The following USP32 variants were observed in gnomAD, a reference collection of about 807,000 sequenced individuals.
The protein encoded by USP32 is ubiquitin carboxyl-terminal hydrolase 32.
USP32 carries 59 observed loss-of-function variants against 204.8 expected under a neutral mutation model. That is an observed-to-expected ratio of 0.29 (90% CI 0.23 to 0.36). The LOEUF (loss-of-function observed/expected upper bound fraction) is 0.36. Among genes scored for constraint, USP32 ranks in the 10% least tolerant of loss-of-function variants. The pLI, the probability that USP32 is intolerant of heterozygous loss-of-function variation, is 1.00. For synonymous variants in USP32, 517 were observed against 678.4 expected (o/e 0.76, Z 3.70); for missense variants, 1,160 against 1,946.4 (o/e 0.60, Z 7.60).
chr17:60,247,425 C>A (rs1307992701), intron 11 of USP32, among the ~76,000 whole-genome samples: 1 of 152,192 alleles, frequency 6.6e-6, no homozygotes, highest in Non-Finnish European at 1.5e-5. Context: ...GGTGATCCAG[C>A]CGTCTCGGCC....
chr17:60,294,732 T>G lies in USP32; in HGVS notation c.362A>C (p.His121Pro), dbSNP rs1177778042. The G allele has an allele frequency of 1.9e-6, 3 of 1,613,088 alleles. No individual in the cohort carries two copies. The highest frequency in any genetic ancestry group is 2.5e-6 in the Non-Finnish European group (3 of 1,179,454). ...VIREEMERML[H>P]VVDGKVPDTL... is the part of the protein sequence containing the mutation. The stretch of plus-strand genomic sequence containing the variant: ...ATCTGGGACTTTACCATCCACCACG[T>G]GGAGCATTCTTTCCATTTCTTCCCG... The change falls in exon 4 of 34, where the codon CAC (histidine) becomes CCC (proline). Residue 121 changes from histidine (H) to proline (P), a missense_variant. His to Pro is a moderately conservative substitution (Grantham distance 77). Transcript: ENST00000300896.
rs137876847 is a variant in USP32, at chr17:60,205,595, C to G, written c.3101G>C (p.Arg1034Pro). The G allele has an allele frequency of 6.2e-7, 1 of 1,613,718 alleles. No homozygotes were observed. Among genetic ancestry groups the G allele is most frequent in the Non-Finnish European group, 8.5e-7 (1 of 1,179,858 alleles). ...FTLTTNGDLPRPIFIPNGMPN... is the reference protein window; with the variant it reads ...FTLTTNGDLPPPIFIPNGMPN... ...CATTCCATTGGGGATGAATATTGGT[C>G]GGGGTAGGTCCCCATTGGTAGTTAG... Residue 1034 changes from arginine to proline, a missense_variant, in exon 26 of 34, where the codon CGA becomes CCA. This residue lies in a region of USP32 where 47 missense variants were observed against 71.1 expected (regional missense o/e 0.66). Coordinates refer to ENST00000300896, the MANE Select transcript of USP32 (RefSeq NM_032582.4).
intron 11 of USP32, among the ~76,000 whole-genome samples, 182 bp from the exon 12 acceptor site, chr17:60,236,422 C>T (rs994403190): frequency 6.6e-6 from 1 of 151,938 alleles, no homozygotes; most frequent in South Asian, 2.1e-4. Flanking sequence ...TTTCAAGAGT[C>T]ATAGGGCAGT....
chr17:60,326,037 C>T (rs1356145758), intron 2 of USP32, among the ~76,000 whole-genome samples: 1 of 149,018 alleles, frequency 6.7e-6, no homozygotes, highest in Non-Finnish European at 1.5e-5. Context: ...CCAGAAGCAA[C>T]TACTAGAAAC....
At chr17:60,298,537 T>C (rs1298204112) in intron 3 of USP32, among the ~76,000 whole-genome samples, 1 of 152,182 alleles carries the variant, frequency 6.6e-6, no homozygotes, top group Admixed American at 6.5e-5. Context: ...GTATTGTTTC[T>C]TATTTGTATT....
intron 9 of USP32, chr17:60,256,659 G>T (rs2086314417): frequency 4.8e-6 from 5 of 1,050,072 alleles, no homozygotes; most frequent in Non-Finnish European, 4.6e-6. Flanking sequence ...TGTCTAAATT[G>T]TCCCACTGTA....
At chr17:60,201,045 A>C (rs1394026818) in intron 26 of USP32, among the ~76,000 whole-genome samples, 2 of 152,084 alleles carry the variant, frequency 1.3e-5, no homozygotes, top group African/African-American at 4.8e-5. Context: ...TTCTGTAGAG[A>C]TGGGGTTTCA....
At chr17:60,200,106 A>G (rs1441647564) in intron 26 of USP32, among the ~76,000 whole-genome samples, 1 of 152,122 alleles carries the variant, frequency 6.6e-6, no homozygotes, top group African/African-American at 2.4e-5. Flanking sequence ...AGGCAGGAGA[A>G]TCACTTGAAC....
intron 2 of USP32, among the ~76,000 whole-genome samples, chr17:60,315,614 T>C (rs2087954837): frequency 6.6e-6 from 1 of 152,048 alleles, no homozygotes; most frequent in Non-Finnish European, 1.5e-5. Context: ...TTCAAACAGA[T>C]ACTTGTATGC....
At chr17:60,419,278 C>T (rs1308027282) in intron 1 of USP32, among the ~76,000 whole-genome samples, 1 of 152,134 alleles carries the variant, frequency 6.6e-6, no homozygotes, top group Non-Finnish European at 1.5e-5. Context: ...AAACCAAATA[C>T]CGCATGTTCT....
chr17:60,188,060 A>G (rs533123603), intron 29 of USP32, among the ~76,000 whole-genome samples: 2 of 152,022 alleles, frequency 1.3e-5, no homozygotes, highest in Non-Finnish European at 2.9e-5. Context: ...AGCTCACTGC[A>G]GCCTTGATCT....
chr17:60,338,160 C>CA (rs1416322190), intron 2 of USP32, among the ~76,000 whole-genome samples: 2 of 149,684 alleles, frequency 1.3e-5, no homozygotes, highest in Non-Finnish European at 1.5e-5. Flanking sequence ...TGCATCTCTA[C>CA]AAAAAATACA....
chr17:60,301,515 C>A lies in USP32; in HGVS notation c.292+84G>T, dbSNP rs961736918. 2.7e-5 allele frequency: 22 copies of A among 814,584 alleles called. No individual in the cohort carries two copies. The African/African-American group carries it at 3.9e-4, about 14-fold the overall frequency. The allele number at this position is 814,584 out of a possible 1,614,324, so 50.5% of individuals were successfully genotyped here. ...TATCTTCTTTGGGAAAATGTCAATT[C>A]AAATCCTCTACCTGTCATCAGAATT... On this transcript the variant is annotated intron_variant, in intron 3 of 33. Transcript: ENST00000300896.
intron 1 of USP32, among the ~76,000 whole-genome samples, chr17:60,361,370 C>T (rs1207613033): frequency 6.6e-6 from 1 of 152,138 alleles, no homozygotes; most frequent in Non-Finnish European, 1.5e-5. Flanking sequence ...CAACTTACTA[C>T]ATATAGATTT....
chr17:60,371,253 TAAAAAAAAA>T (rs373242290), intron 1 of USP32, among the ~76,000 whole-genome samples: 3 of 66,278 alleles, frequency 4.5e-5, no homozygotes, highest in East Asian at 4.0e-4. Context: ...CTCTAAAAAT[TAAAAAAAAA>T]AAAAAAAAAA....
intron 12 of USP32, among the ~76,000 whole-genome samples, chr17:60,229,908 G>T (rs1261799575): frequency 6.6e-6 from 1 of 152,090 alleles, no homozygotes; most frequent in African/African-American, 2.4e-5. Flanking sequence ...CTGCCTCCTG[G>T]GTTCAAGCAA....
chr17:60,216,698 C>T (rs998839801), intron 16 of USP32, among the ~76,000 whole-genome samples: 1 of 151,836 alleles, frequency 6.6e-6, no homozygotes, highest in Non-Finnish European at 1.5e-5. Context: ...CTTGTCACTT[C>T]AAAAGGAATA....
At chr17:60,330,523 C>G (rs2088354615) in intron 2 of USP32, among the ~76,000 whole-genome samples, 1 of 148,430 alleles carries the variant, frequency 6.7e-6, no homozygotes, top group African/African-American at 2.5e-5. Context: ...TCTCTCCCCC[C>G]CTCCCTCCTT....
intron 11 of USP32, among the ~76,000 whole-genome samples, chr17:60,241,822 A>G (rs1284143191): frequency 6.6e-6 from 1 of 152,166 alleles, no homozygotes; most frequent in African/African-American, 2.4e-5. Context: ...GTGAGGCTGT[A>G]GCTTTTATTT....
Sources: allele counts gnomAD v4.1 joint callset (sites outside exome capture counted in the v4.1 genomes callset), GRCh38; gene constraint gnomAD v4.1.1; regional missense constraint gnomAD v4.1.1; transcripts MANE v1.5; gene names NCBI Gene and HGNC (gene_info 2026-07-23, HGNC 2026-07-21).